DLG2: variants seen among roughly 807,000 people sequenced by gnomAD.
DLG2 encodes the protein disks large homolog 2.
A neutral mutation model predicts 132.5 loss-of-function variants in DLG2; 45 were observed. That is an observed-to-expected ratio of 0.34 (90% CI 0.27 to 0.44). The LOEUF (loss-of-function observed/expected upper bound fraction) is 0.44. DLG2 is among the 20% of genes least tolerant of loss of function. The pLI is 1.00. For synonymous variants in DLG2, 424 were observed against 419.6 expected, an observed-to-expected ratio of 1.01 and a Z score of -0.13; for missense variants, 1,045 against 1,196.9, an observed-to-expected ratio of 0.87 and a Z score of 1.87.
chr11:84,083,550 A>G (rs2096932911), intron 10 of DLG2, among the ~76,000 whole-genome samples: 1 of 152,230 alleles, frequency 6.6e-6, no homozygotes, highest in Admixed American at 6.5e-5. Flanking sequence ...TCATTCGGGC[A>G]GAGTCCTCAT....
At chr11:85,161,271 C>CA (rs2078008825) in intron 4 of DLG2, among the ~76,000 whole-genome samples, 1 of 152,294 alleles carries the variant, frequency 6.6e-6, no homozygotes, top group East Asian at 1.9e-4. Flanking sequence ...GGCCAGTGGG[C>CA]CCATGAACAA....
intron 6 of DLG2, among the ~76,000 whole-genome samples, chr11:84,626,684 G>C (rs1182456817): frequency 6.6e-6 from 1 of 152,106 alleles, no homozygotes; most frequent in Non-Finnish European, 1.5e-5. Flanking sequence ...CACAAAGTTA[G>C]CTCTGCACTA....
At chr11:85,053,759 T>A (rs1256830801) in intron 6 of DLG2, among the ~76,000 whole-genome samples, 1 of 129,934 alleles carries the variant, frequency 7.7e-6, no homozygotes, top group Non-Finnish European at 1.5e-5. Flanking sequence ...ATGGTGCCAC[T>A]GCACTCCAGC....
intron 6 of DLG2, among the ~76,000 whole-genome samples, chr11:84,619,649 A>C (rs1183786788): frequency 2.6e-5 from 4 of 151,726 alleles, no homozygotes; most frequent in African/African-American, 9.7e-5. Flanking sequence ...ATCTCAACAA[A>C]TATAGAAGGA....
chr11:84,176,622 C>T (rs2095976559), intron 8 of DLG2, among the ~76,000 whole-genome samples: 1 of 151,748 alleles, frequency 6.6e-6, no homozygotes, highest in Non-Finnish European at 1.5e-5. Flanking sequence ...CAGACTTGAT[C>T]CAGGAGTTTG....
At chr11:83,739,867 G>A (rs1482857072) in intron 18 of DLG2, among the ~76,000 whole-genome samples, 1 of 152,168 alleles carries the variant, frequency 6.6e-6, no homozygotes, top group Admixed American at 6.5e-5. Context: ...GTGAACATGA[G>A]AGGTATGTAG....
chr11:85,500,677 A>AAGAGACT (rs1360088175), intron 3 of DLG2, among the ~76,000 whole-genome samples: 1 of 152,182 alleles, frequency 6.6e-6, no homozygotes, highest in Non-Finnish European at 1.5e-5. Flanking sequence ...AATTGCTCCT[A>AAGAGACT]AGAGACTACA....
intron 9 of DLG2, among the ~76,000 whole-genome samples, chr11:84,114,578 T>C (rs903038102): frequency 6.6e-6 from 1 of 152,224 alleles, no homozygotes; most frequent in Admixed American, 6.5e-5. Flanking sequence ...CTATAAGGAA[T>C]CAACTCCTAA....
intron 6 of DLG2, among the ~76,000 whole-genome samples, chr11:84,590,617 T>C (rs1451843156): frequency 6.6e-6 from 1 of 152,164 alleles, no homozygotes; most frequent in East Asian, 1.9e-4. Flanking sequence ...AAAGATCTAA[T>C]TCCAAACACT....
At chr11:85,007,693 AAAGAAAAGAAAAAGAAAAAG>A in intron 6 of DLG2, among the ~76,000 whole-genome samples, 1 of 149,268 alleles carries the variant, frequency 6.7e-6, no homozygotes, top group African/African-American at 2.5e-5. Context: ...AAAAAAAAGA[AAAGAAAAGAAAAAGAAAAAG>A]AAGAAAAGAA....
At chr11:84,777,296 T>C (rs1264429631) in intron 6 of DLG2, among the ~76,000 whole-genome samples, 2 of 60,818 alleles carry the variant, frequency 3.3e-5, no homozygotes, top group African/African-American at 5.1e-5. Flanking sequence ...TATATATATA[T>C]ATATATATAT....
At chr11:83,585,342 T>C (rs373465436) in intron 19 of DLG2, among the ~76,000 whole-genome samples, 9 of 152,148 alleles carry the variant, frequency 5.9e-5, no homozygotes, top group African/African-American at 2.2e-4. Flanking sequence ...TACCATACAA[T>C]CACAACAACC....
chr11:84,846,112 G>A (rs1024920053), intron 6 of DLG2, among the ~76,000 whole-genome samples: 1 of 151,958 alleles, frequency 6.6e-6, no homozygotes, highest in Non-Finnish European at 1.5e-5. Context: ...CTTTCAAGGT[G>A]ATCTCATCTA....
intron 3 of DLG2, chr11:85,452,978 G>C (rs1367172034): frequency 4.9e-6 from 1 of 202,554 alleles, no homozygotes; most frequent in Non-Finnish European, 1.0e-5. Flanking sequence ...AAGTACACCT[G>C]ATCAAAGACA....
intron 6 of DLG2, among the ~76,000 whole-genome samples, chr11:84,903,844 A>T (rs997152361): frequency 6.6e-6 from 1 of 152,156 alleles, no homozygotes; most frequent in African/African-American, 2.4e-5. Context: ...AGTTACATCC[A>T]CCTCAGAAAA....
At chr11:84,751,150 T>A (rs1467248025) in intron 6 of DLG2, among the ~76,000 whole-genome samples, 1 of 152,084 alleles carries the variant, frequency 6.6e-6, no homozygotes, top group East Asian at 1.9e-4. Context: ...AATTGCATCC[T>A]GGAGGGAAGA....
chr11:83,491,155 T>C (rs1476597070), intron 21 of DLG2, among the ~76,000 whole-genome samples: 1 of 151,168 alleles, frequency 6.6e-6, no homozygotes, highest in Non-Finnish European at 1.5e-5. Flanking sequence ...TGTTTTTTTT[T>C]TTTTGTTACT....
chr11:85,094,201 T>A (rs2069338485), intron 6 of DLG2, among the ~76,000 whole-genome samples: 1 of 152,224 alleles, frequency 6.6e-6, no homozygotes, highest in Non-Finnish European at 1.5e-5. Flanking sequence ...GTTCTTCCAA[T>A]TCTAGAAAAT....
intron 3 of DLG2, among the ~76,000 whole-genome samples, chr11:85,412,750 C>CATATATAT (rs2089439847): frequency 1.4e-5 from 2 of 139,354 alleles, no homozygotes; most frequent in African/African-American, 5.3e-5. Context: ...CACACACACA[C>CATATATAT]ACACACACAC....
Sources: allele counts gnomAD v4.1 joint callset (sites outside exome capture counted in the v4.1 genomes callset), GRCh38; gene constraint gnomAD v4.1.1; transcripts MANE v1.5; gene names NCBI Gene and HGNC (gene_info 2026-07-23, HGNC 2026-07-21).